Variants in PRKAR1B observed in about 807,000 individuals in gnomAD.
The protein encoded by PRKAR1B is protein kinase cAMP-dependent type I regulatory subunit beta.
PRKAR1B carries 22 observed loss-of-function variants against 46.5 expected under a neutral mutation model. The ratio of observed to expected loss-of-function variants is 0.47; its 90% CI spans 0.34 to 0.68. The LOEUF (loss-of-function observed/expected upper bound fraction) is 0.68. Ranked by LOEUF, PRKAR1B falls within the 30% of genes least tolerant of loss-of-function variation. The pLI, the probability that PRKAR1B is intolerant of heterozygous loss-of-function variation, is 0.01. For synonymous variants in PRKAR1B, 259 were observed against 217.7 expected (o/e 1.19, Z -1.67); for missense variants, 445 against 535.6 (o/e 0.83, Z 1.67).
chr7:680,391 C>A (rs1778597998), intron 3 of PRKAR1B, among the ~76,000 whole-genome samples, 165 bp downstream of exon 3: 1 of 152,166 alleles, frequency 6.6e-6, no homozygotes, highest in Non-Finnish European at 1.5e-5. Flanking sequence ...AAACCAAGCC[C>A]ACCCAGAACT....
chr7:579,802 A>G (rs1000993745), intron 8 of PRKAR1B, among the ~76,000 whole-genome samples: 4 of 152,214 alleles, frequency 2.6e-5, no homozygotes, highest in African/African-American at 7.2e-5. Flanking sequence ...AGTGGTTTAA[A>G]ATAACTCAGA....
At chr7:595,550 C>G (rs1446591003) in intron 7 of PRKAR1B, among the ~76,000 whole-genome samples, 1 of 152,136 alleles carries the variant, frequency 6.6e-6, no homozygotes, top group African/African-American at 2.4e-5. Context: ...GGGTCCTCCC[C>G]GGGCTCCCCA....
chr7:711,706 C>A (rs998401742), intron 1 of PRKAR1B, among the ~76,000 whole-genome samples, 179 bp from the exon 2 acceptor site: 1 of 151,284 alleles, frequency 6.6e-6, no homozygotes, highest in Admixed American at 6.6e-5. Flanking sequence ...TGACGGCCCC[C>A]AGAGCCTTCC....
intron 9 of PRKAR1B, among the ~76,000 whole-genome samples, chr7:576,164 C>T (rs376373257): frequency 9.6e-5 from 14 of 145,354 alleles, no homozygotes; most frequent in Non-Finnish European, 1.8e-4. Flanking sequence ...TGCAGACGGG[C>T]GGGCGTGCAC....
chr7:577,565 C>G (rs139863355), intron 9 of PRKAR1B, among the ~76,000 whole-genome samples: 1 of 152,012 alleles, frequency 6.6e-6, no homozygotes, highest in Admixed American at 6.5e-5. Context: ...CATTCCTGCC[C>G]GGGGCCACCT....
At chr7:575,045 T>C (rs1779739756) in intron 9 of PRKAR1B, among the ~76,000 whole-genome samples, 1 of 152,248 alleles carries the variant, frequency 6.6e-6, no homozygotes, top group East Asian at 1.9e-4. Flanking sequence ...GAACTGGTGA[T>C]AACTGAGAAG....
At chr7:574,037 C>T (rs549401889) in intron 9 of PRKAR1B, among the ~76,000 whole-genome samples, 2 of 152,362 alleles carry the variant, frequency 1.3e-5, no homozygotes, top group South Asian at 4.1e-4. Flanking sequence ...CTCCTCTGTT[C>T]AGGGGTGAGA....
chr7:666,953 G>A lies in PRKAR1B; in HGVS notation c.440+10276C>T, dbSNP rs1177881771. Among the ~76,000 whole-genome samples the A allele has an allele frequency of 6.6e-6, 1 of 152,242 alleles. No individual in the cohort carries two copies. Among genetic ancestry groups the A allele is most frequent in the African/African-American group, 2.4e-5 (1 of 41,464 alleles). On this transcript the variant is annotated intron_variant, in intron 4 of 10. Coordinates refer to ENST00000537384, the MANE Select transcript of PRKAR1B (RefSeq NM_001164760.2). This position sits in a 1 kb window ranked among gnomAD's most constrained non-coding sequence, Gnocchi z 4.9. ...TGACAATGACCACAACAGTGATGATGATGGCGGTGATGATGATGATGGTGA... is the reference window on the plus strand; with the variant it reads ...TGACAATGACCACAACAGTGATGATAATGGCGGTGATGATGATGATGGTGA...
chr7:685,270 GTATATATACGTATATATATGTATACATA>G lies in PRKAR1B; in HGVS notation c.178-4572_178-4545del, dbSNP rs1778957596. On this transcript the variant is annotated intron_variant, in intron 2 of 10. Transcript: ENST00000537384. ...ACACGTTTTATATATACATATATAC[GTATATATACGTATATATATGTATACATA>G]TATATATACGTATATATACGTATAT... Among the ~76,000 whole-genome samples the G allele has an allele frequency of 2.4e-4, 6 of 24,860 alleles. 1 individual carries two copies. The South Asian group carries it at 6.6e-3, about 27-fold the overall frequency. The allele number at this position is 24,860 out of a possible 152,430, so 16.3% of individuals were successfully genotyped here.
intron 6 of PRKAR1B, among the ~76,000 whole-genome samples, chr7:596,614 G>A (rs529919431): frequency 5.1e-4 from 77 of 152,342 alleles, no homozygotes; most frequent in African/African-American, 1.6e-3. Context: ...CCCGCTCTGC[G>A]GCACAGCGGC....
At chr7:689,866 G>A (rs1779314035) in intron 2 of PRKAR1B, among the ~76,000 whole-genome samples, 1 of 151,728 alleles carries the variant, frequency 6.6e-6, no homozygotes, top group Non-Finnish European at 1.5e-5. Flanking sequence ...ATTTTTAGTA[G>A]AGAACTGGGT....
At position 594,764 on chromosome 7, in the gene PRKAR1B, TC is replaced by T. The variant is rs1781175300; in HGVS notation, c.708+1381del. On this transcript the variant is annotated intron_variant, in intron 7 of 10. Coordinates refer to ENST00000537384, the MANE Select transcript of PRKAR1B (RefSeq NM_001164760.2). Reference sequence around the variant, plus strand: ...GGGGACCCCTAGACCATGAGGGGACTCCCCCAGACCATGAGAGGACCCCAAA... The same window carrying T: ...GGGGACCCCTAGACCATGAGGGGACTCCCCAGACCATGAGAGGACCCCAAA... 9.5e-5 allele frequency among the ~76,000 whole-genome samples: 14 copies of T among 147,748 alleles called. No homozygotes were observed. In the South Asian group the frequency reaches 3.1e-3, roughly 32 times the overall value.
chr7:685,913 C>T (rs1779072017), intron 2 of PRKAR1B, among the ~76,000 whole-genome samples: 1 of 151,960 alleles, frequency 6.6e-6, no homozygotes, highest in Non-Finnish European at 1.5e-5. Context: ...TCAATATGGA[C>T]AATGCAAAAT....
intron 4 of PRKAR1B, among the ~76,000 whole-genome samples, chr7:628,625 T>G (rs1404033848): frequency 6.6e-6 from 1 of 152,180 alleles, no homozygotes; most frequent in Non-Finnish European, 1.5e-5. Context: ...CTGTCAGGAT[T>G]GGACCAGGGT....
At chr7:709,166 G>A (rs114125575) in intron 2 of PRKAR1B, among the ~76,000 whole-genome samples, 3,253 of 148,114 alleles carry the variant, frequency 0.022, 136 homozygotes, top group African/African-American at 0.077. Context: ...TTCACTCACG[G>A]AGGAAAGGTT....
intron 9 of PRKAR1B, among the ~76,000 whole-genome samples, chr7:572,790 C>T (rs1779599635): frequency 2.0e-5 from 3 of 152,300 alleles, no homozygotes; most frequent in South Asian, 4.1e-4. Flanking sequence ...CGTGGCCCTA[C>T]AGGGATGAGG....
chr7:703,278 G>A (rs1331012928), intron 2 of PRKAR1B, among the ~76,000 whole-genome samples: 1 of 152,162 alleles, frequency 6.6e-6, no homozygotes, highest in Non-Finnish European at 1.5e-5. Flanking sequence ...AGAATTAAAG[G>A]AGACACAGAC....
At chr7:558,873 C>T (rs1486245109) in intron 9 of PRKAR1B, among the ~76,000 whole-genome samples, 3 of 152,222 alleles carry the variant, frequency 2.0e-5, no homozygotes, top group Non-Finnish European at 4.4e-5. Flanking sequence ...GAGCCTCCAA[C>T]GCTTCGGCTC....
At chr7:682,049 A>C (rs1204041676) in intron 2 of PRKAR1B, among the ~76,000 whole-genome samples, 1 of 151,902 alleles carries the variant, frequency 6.6e-6, no homozygotes, top group East Asian at 1.9e-4. Flanking sequence ...GGAGGGAGGG[A>C]GGAAGGAAGA....
Sources: allele counts gnomAD v4.1 joint callset (sites outside exome capture counted in the v4.1 genomes callset), GRCh38; gene constraint gnomAD v4.1.1; non-coding constraint Gnocchi (gnomAD v3.1); transcripts MANE v1.5; gene names NCBI Gene and HGNC (gene_info 2026-07-23, HGNC 2026-07-21).